Variants in RIN3 observed in about 807,000 individuals in gnomAD.
RIN3 encodes Ras and Rab interactor 3.
A neutral mutation model predicts 76.3 loss-of-function variants in RIN3; 54 were observed. That is an observed-to-expected ratio of 0.71 (90% CI 0.57 to 0.89). The LOEUF is 0.89. Among genes scored for constraint, RIN3 ranks in the 40% least tolerant of loss-of-function variants. The pLI, the probability that RIN3 is intolerant of heterozygous loss-of-function variation, is 0.00. For missense variants in RIN3, 1,256 were observed against 1,322.1 expected (o/e 0.95, Z 0.78); for synonymous variants, 576 against 564.0 (o/e 1.02, Z -0.30).
intron 2 of RIN3, among the ~76,000 whole-genome samples, chr14:92,573,725 C>A (rs1445786383): frequency 6.6e-6 from 1 of 152,252 alleles, no homozygotes; most frequent in Non-Finnish European, 1.5e-5. Flanking sequence ...TTCTGTCTTA[C>A]TATATACCAC....
rs746370326 is a variant in RIN3 at position 92,652,762 on chromosome 14, C to T, written c.1713C>T (p.Pro571=). 6.2e-7 allele frequency: 1 copy of T among 1,613,968 alleles called. No homozygotes were observed. Among genetic ancestry groups the T allele is most frequent in the Non-Finnish European group, 8.5e-7 (1 of 1,180,036 alleles). ...GCAGCCCCAGCGTGAAGAAGAAGCC[C>T]TCCATGATCCTGGGCAAGGCTCGGC... The part of the protein sequence containing the change: ...QFSSPSVKKK[P]SMILGKARHR... Residue 571 remains proline, a synonymous_variant, in exon 6 of 10, where the codon CCC becomes CCT. Coordinates refer to ENST00000216487, the MANE Select transcript of RIN3 (RefSeq NM_024832.5). This position sits in a 1 kb window ranked among gnomAD's most constrained non-coding sequence, Gnocchi z 6.4.
At chr14:92,591,928 A>G (rs954022823) in intron 3 of RIN3, among the ~76,000 whole-genome samples, 11 of 152,230 alleles carry the variant, frequency 7.2e-5, no homozygotes, top group African/African-American at 2.7e-4. Context: ...AGGCAAAAGA[A>G]AAATGTTTAC....
intron 4 of RIN3, among the ~76,000 whole-genome samples, chr14:92,632,686 G>A (rs1268016078): frequency 6.6e-6 from 1 of 152,182 alleles, no homozygotes; most frequent in Non-Finnish European, 1.5e-5. Context: ...CTGGGAGGAT[G>A]CCCTGTGCTG....
At chr14:92,552,647 T>C (rs1055388424) in intron 1 of RIN3, among the ~76,000 whole-genome samples, 23 of 152,128 alleles carry the variant, frequency 1.5e-4, no homozygotes, top group African/African-American at 5.1e-4. Context: ...TCCTTCTGCC[T>C]GGACATCTCT....
intron 7 of RIN3, among the ~76,000 whole-genome samples, chr14:92,664,935 A>T (rs1260823293): frequency 6.6e-6 from 1 of 152,188 alleles, no homozygotes; most frequent in Non-Finnish European, 1.5e-5. Flanking sequence ...CATGTTCAGG[A>T]TCTGATGAAG....
chr14:92,537,634 C>CTTTTTTTTTTTT lies in RIN3; in HGVS notation c.45-18101_45-18090dup, dbSNP rs576683908. On this transcript the variant is annotated intron_variant, in intron 1 of 9. Transcript: ENST00000216487. The stretch of plus-strand genomic sequence containing the variant: ...CAGCTATAAGTGAGTGCCTTAGGGA[C>CTTTTTTTTTTTT]TTTTTTTTTTTTTTTTTTTTTTTTT... 1.0e-3 allele frequency among the ~76,000 whole-genome samples: 53 copies of CTTTTTTTTTTTT among 51,636 alleles called. 8 individuals carry two copies. Among genetic ancestry groups the CTTTTTTTTTTTT allele is most frequent in the African/African-American group, 3.5e-3 (45 of 12,822 alleles). The allele number at this position is 51,636 out of a possible 152,430, so 33.9% of individuals were successfully genotyped here. A position where few individuals can be genotyped will look rare whatever the true frequency, so the allele number is the denominator to read the frequency against.
At chr14:92,592,391 A>T (rs1224832044) in intron 3 of RIN3, among the ~76,000 whole-genome samples, 2 of 131,988 alleles carry the variant, frequency 1.5e-5, no homozygotes, top group Non-Finnish European at 3.2e-5. Flanking sequence ...ACAGAGTGAG[A>T]CTCTGTCTCA....
intron 7 of RIN3, among the ~76,000 whole-genome samples, chr14:92,668,455 G>T (rs1221058589): frequency 1.3e-5 from 2 of 152,238 alleles, no homozygotes; most frequent in African/African-American, 4.8e-5. Context: ...GCTCTCTGAA[G>T]AGAAACCCAG....
chr14:92,583,670 G>C (rs1389598540), intron 3 of RIN3, among the ~76,000 whole-genome samples: 1 of 152,230 alleles, frequency 6.6e-6, no homozygotes, highest in Non-Finnish European at 1.5e-5. Flanking sequence ...AAGTAACCTA[G>C]AAATGATTTA....
chr14:92,601,204 C>T (rs1885332199), intron 3 of RIN3, among the ~76,000 whole-genome samples: 1 of 151,962 alleles, frequency 6.6e-6, no homozygotes, highest in Non-Finnish European at 1.5e-5. Context: ...TAATTTTACC[C>T]ATTTCTGTTT....
In RIN3 at chr14:92,540,396, T is replaced by C. The variant is rs761487578; in HGVS notation, c.45-15355T>C. ...CCAAGGGAGGAGAAACCCAGGGAAC[T>C]TTCTCACAAGATTTTCCAGACACTT... is the stretch of plus-strand genomic sequence containing the variant. On this transcript the variant is annotated intron_variant, in intron 1 of 9. Coordinates refer to ENST00000216487, the MANE Select transcript of RIN3 (RefSeq NM_024832.5). Among the ~76,000 whole-genome samples the C allele has an allele frequency of 1.6e-4, 25 of 152,314 alleles. No homozygotes were observed. In the South Asian group the frequency reaches 2.3e-3, roughly 14 times the overall value.
chr14:92,609,432 C>T (rs1263894143), intron 3 of RIN3, among the ~76,000 whole-genome samples: 1 of 152,166 alleles, frequency 6.6e-6, no homozygotes, highest in East Asian at 1.9e-4. Context: ...CCTCTTGAGA[C>T]GGTTTGGACA....
chr14:92,615,667 A>G, intron 4 of RIN3, 188 bp downstream of exon 4: 1 of 594,790 alleles, frequency 1.7e-6, no homozygotes, highest in East Asian at 2.8e-5. Flanking sequence ...TTCTCACACT[A>G]TCTGATAAGA....
At position 92,648,261 on chromosome 14, in the gene RIN3, C is replaced by T. The variant is rs921615277; in HGVS notation, c.533-3321C>T. On this transcript the variant is annotated intron_variant, in intron 5 of 9. Transcript: ENST00000216487. The surrounding 1 kb of genome is among the most constrained non-coding windows in gnomAD (Gnocchi z 4.1). ...GGTTTGCCAGGGTGCAAACCCCAGG[C>T]CTGTCTTGGGGCAGGGAAGCTGTGT... is the stretch of plus-strand genomic sequence containing the variant. Among the ~76,000 whole-genome samples the T allele has an allele frequency of 1.3e-5, 2 of 152,134 alleles. No individual in the cohort carries two copies. Among genetic ancestry groups the T allele is most frequent in the Admixed American group, 6.5e-5 (1 of 15,278 alleles).
At chr14:92,614,844 CT>C (rs71301939) in intron 3 of RIN3, among the ~76,000 whole-genome samples, 11,440 of 118,038 alleles carry the variant, frequency 0.097, 649 homozygotes, top group East Asian at 0.23. Flanking sequence ...TCTGGTATGT[CT>C]TTTTTTTTTT....
intron 3 of RIN3, among the ~76,000 whole-genome samples, chr14:92,583,271 G>T (rs548387926): frequency 6.6e-6 from 1 of 152,368 alleles, no homozygotes; most frequent in East Asian, 1.9e-4. Flanking sequence ...AAAAGGGGTA[G>T]CCAGCTTGAT....
intron 1 of RIN3, among the ~76,000 whole-genome samples, chr14:92,522,331 T>C (rs1025934648): frequency 3.9e-5 from 6 of 152,116 alleles, no homozygotes; most frequent in Non-Finnish European, 7.4e-5. Context: ...TGTGTGTGTG[T>C]GTGTGTGCAT....
chr14:92,641,534 G>A (rs1887015690), intron 5 of RIN3, among the ~76,000 whole-genome samples: 1 of 152,202 alleles, frequency 6.6e-6, no homozygotes, highest in African/African-American at 2.4e-5. Context: ...TGCCCAGGAC[G>A]CCCTGAGGCC....
intron 2 of RIN3, among the ~76,000 whole-genome samples, chr14:92,564,131 G>A (rs753491020): frequency 4.6e-5 from 7 of 152,204 alleles, no homozygotes; most frequent in Non-Finnish European, 8.8e-5. Context: ...TAACAGAAGT[G>A]GAAAAGCAGA....
Sources: allele counts gnomAD v4.1 joint callset (sites outside exome capture counted in the v4.1 genomes callset), GRCh38; gene constraint gnomAD v4.1.1; non-coding constraint Gnocchi (gnomAD v3.1); transcripts MANE v1.5; gene names NCBI Gene and HGNC (gene_info 2026-07-23, HGNC 2026-07-21).